Variants in DCTD observed in about 807,000 individuals in gnomAD.
The protein encoded by DCTD is deoxycytidylate deaminase.
DCTD carries 23 observed loss-of-function variants against 21.0 expected under a neutral mutation model. The ratio of observed to expected loss-of-function variants is 1.09; its 90% CI spans 0.79 to 1.55. The LOEUF is 1.55. Among genes scored for constraint, DCTD ranks in the 40% most tolerant of loss-of-function variants. The pLI is 0.00. For missense variants in DCTD, 224 were observed against 230.0 expected, an observed-to-expected ratio of 0.97 and a Z score of 0.17; for synonymous variants, 71 against 81.1, an observed-to-expected ratio of 0.88 and a Z score of 0.67.
chr4:182,914,958 G>C lies in DCTD; in HGVS notation c.209C>G (p.Thr70Arg). 1 of 1,614,192 alleles carries C rather than the reference G, an allele frequency of 6.2e-7. No individual in the cohort carries two copies. Among genetic ancestry groups the C allele is most frequent in the Non-Finnish European group, 8.5e-7 (1 of 1,180,022 alleles). ...TTTGGTGTCCAGCTTATTCTCTGCT[G>C]TCCTTCTCCAAGGCAACACGTCATC... Reference protein sequence around the residue: ...CSDDVLPWRRTAENKLDTKYP... With the variant: ...CSDDVLPWRRRAENKLDTKYP... Residue 70 changes from threonine (T) to arginine (R), a missense_variant, in exon 3 of 6, where the codon ACA becomes AGA. By Grantham distance (71) the Thr-to-Arg change is moderately conservative (BLOSUM62 -1). Coordinates refer to ENST00000438320, the MANE Select transcript of DCTD (RefSeq NM_001921.3).
chr4:182,896,664 G>T (rs1412100073), intron 3 of DCTD, among the ~76,000 whole-genome samples: 2 of 152,182 alleles, frequency 1.3e-5, no homozygotes, highest in Non-Finnish European at 2.9e-5. Context: ...CCTTGGAGGG[G>T]CTCCCGTGAC....
chr4:182,903,642 C>A (rs2152859316), intron 3 of DCTD, among the ~76,000 whole-genome samples: 1 of 152,230 alleles, frequency 6.6e-6, no homozygotes, highest in Admixed American at 6.5e-5. Flanking sequence ...AAAGGCAGCC[C>A]ATCCTGCAGG....
At chr4:182,897,253 C>CA (rs147635265) in intron 3 of DCTD, among the ~76,000 whole-genome samples, 2,093 of 151,224 alleles carry the variant, frequency 0.014, 39 homozygotes, top group African/African-American at 0.047. Context: ...TTCTTTTAAC[C>CA]AAAAAATCAC....
intron 3 of DCTD, among the ~76,000 whole-genome samples, chr4:182,901,777 TAA>T (rs33920727): frequency 6.2e-4 from 87 of 139,572 alleles, no homozygotes; most frequent in Admixed American, 8.7e-4. Flanking sequence ...ACCTGTGCAT[TAA>T]AAAAAAAAAA....
intron 2 of DCTD, 62 bp from the exon 3 acceptor site, chr4:182,915,120 C>T (rs1738483094): frequency 6.2e-7 from 1 of 1,608,316 alleles, no homozygotes; most frequent in African/African-American, 1.3e-5. Context: ...GCTGTGGAAG[C>T]AGGGAATAAA....
chr4:182,907,151 T>A (rs1736867050), intron 3 of DCTD, among the ~76,000 whole-genome samples: 1 of 152,236 alleles, frequency 6.6e-6, no homozygotes, highest in Admixed American at 6.5e-5. Flanking sequence ...TTAATTTTTT[T>A]GAGACAGGGT....
intron 4 of DCTD, 81 bp downstream of exon 4, chr4:182,894,408 T>C (rs17331744): frequency 0.22 from 177,690 of 814,794 alleles, 20,300 homozygotes; most frequent in Non-Finnish European, 0.24. Flanking sequence ...AATAGCAATT[T>C]AAGATCAAAC....
At chr4:182,909,753 T>C (rs181455002) in intron 3 of DCTD, among the ~76,000 whole-genome samples, 122 of 152,296 alleles carry the variant, frequency 8.0e-4, no homozygotes, top group Middle Eastern at 3.4e-3. Flanking sequence ...AAGAAATATA[T>C]CACGTGCATG....
In DCTD at chr4:182,891,465, C is replaced by T. The variant is rs141501926; in HGVS notation, c.471G>A (p.Pro157=). 2.2e-3 allele frequency: 3,461 copies of T among 1,609,734 alleles called. 4 individuals are homozygous for T. Among genetic ancestry groups the T allele is most frequent in the Non-Finnish European group, 2.6e-3 (3,102 of 1,176,384 alleles). ...AGTCAATGACAATCTTGCTGCACTT[C>T]GGTATGAATTTCCTAAAAATAAAAA... ...MAGVTFRKFI[P]KCSKIVIDFD... is the part of the protein sequence containing the mutation. The change falls in exon 6 of 6, where the codon CCG becomes CCA. Residue 157 remains proline (P), a synonymous_variant. Transcript: ENST00000438320.
chr4:182,915,893 C>T, intron 1 of DCTD: 1 of 1,115,036 alleles, frequency 9.0e-7, no homozygotes, highest in South Asian at 2.6e-5. Context: ...GTCTCCCTTA[C>T]AAAGCGGAGT....
chr4:182,906,813 T>C (rs747394670), intron 3 of DCTD, among the ~76,000 whole-genome samples: 3 of 152,242 alleles, frequency 2.0e-5, no homozygotes, highest in Non-Finnish European at 2.9e-5. Flanking sequence ...TACTATGGCA[T>C]CTATCATTTG....
chr4:182,916,785 C>A, intron 1 of DCTD: 1 of 1,127,064 alleles, frequency 8.9e-7, no homozygotes, highest in Non-Finnish European at 1.1e-6. Context: ...GGGAAGGGTC[C>A]TGTTAATCCC....
chr4:182,906,226 G>T (rs1736693259), intron 3 of DCTD, among the ~76,000 whole-genome samples: 1 of 152,056 alleles, frequency 6.6e-6, no homozygotes, highest in African/African-American at 2.4e-5. Context: ...CACAGCTCTG[G>T]AGGCTGGGAC....
chr4:182,911,654 A>G (rs766654163), intron 3 of DCTD, among the ~76,000 whole-genome samples: 10 of 152,164 alleles, frequency 6.6e-5, no homozygotes, highest in Non-Finnish European at 1.3e-4. Context: ...AGTTACTTAC[A>G]AGAAAGGAGG....
chr4:182,892,267 T>C (rs916562223), intron 5 of DCTD, among the ~76,000 whole-genome samples: 2 of 152,168 alleles, frequency 1.3e-5, no homozygotes, highest in South Asian at 2.1e-4. Context: ...TTTTCTGCCA[T>C]GAATCAAAGG....
In DCTD at chr4:182,915,491, T is replaced by C; in HGVS notation, c.78A>G (p.Ser26=). The C allele has an allele frequency of 6.2e-7, 1 of 1,613,016 alleles. No individual in the cohort carries two copies. The highest frequency in any genetic ancestry group is 1.1e-5 in the South Asian group (1 of 91,060). The part of the protein sequence containing the change: ...PEYFMAVAFL[S]AQRSKDPNSQ... Reference sequence around the variant, plus strand: ...AATTTGGATCTTTGCTTCTCTGTGCTGATAAGAAGGCCACAGCCATAAAAT... The same window carrying C: ...AATTTGGATCTTTGCTTCTCTGTGCCGATAAGAAGGCCACAGCCATAAAAT... Residue 26 remains serine (S), a synonymous_variant, in exon 2 of 6, where the codon TCA becomes TCG. Transcript: ENST00000438320.
rs144141847 is a variant in DCTD, at chr4:182,911,839, C to T, written c.244+3084G>A. 1.0e-3 allele frequency among the ~76,000 whole-genome samples: 153 copies of T among 152,200 alleles called. 3 individuals carry two copies. The East Asian group carries it at 0.021, about 21-fold the overall frequency. ...AGATTAACAAAAAATGTTACTGATA[C>T]GAAGTAGTTTTTGTCATTGTGGAGT... On this transcript the variant is annotated intron_variant, in intron 3 of 5. Transcript: ENST00000438320.
At chr4:182,907,618 C>T (rs748441773) in intron 3 of DCTD, among the ~76,000 whole-genome samples, 5 of 150,834 alleles carry the variant, frequency 3.3e-5, no homozygotes, top group South Asian at 4.3e-4. Context: ...GAGGGAAAGG[C>T]GCCTGTTTCT....
intron 1 of DCTD, chr4:182,915,795 T>C: frequency 2.0e-6 from 2 of 1,011,068 alleles, no homozygotes; most frequent in Non-Finnish European, 2.6e-6. Context: ...TTGAAACCTA[T>C]AGCTTCACGT....
Sources: gnomAD v4.1 joint callset for allele counts (sites outside exome capture counted in the v4.1 genomes callset) on GRCh38, gnomAD v4.1.1 for gene constraint, MANE v1.5 for transcripts, NCBI Gene and HGNC (gene_info 2026-07-23, HGNC 2026-07-21) for gene names.